Variants in TRDN observed in about 807,000 individuals in gnomAD.
TRDN encodes triadin in skeletal muscle.
A neutral mutation model predicts 149.7 loss-of-function variants in TRDN; 161 were observed. The ratio of observed to expected loss-of-function variants is 1.08; its 90% CI spans 0.95 to 1.23. TRDN has a LOEUF of 1.23. Among genes scored for constraint, TRDN ranks in the 50% most tolerant of loss-of-function variants. TRDN has a pLI of 0.00. For synonymous variants in TRDN, 294 were observed against 250.5 expected, an observed-to-expected ratio of 1.17 and a Z score of -1.64; for missense variants, 896 against 823.5, an observed-to-expected ratio of 1.09 and a Z score of -1.08.
chr6:123,348,149 C>T (rs1250440271), intron 21 of TRDN, among the ~76,000 whole-genome samples: 1 of 152,024 alleles, frequency 6.6e-6, no homozygotes, highest in Admixed American at 6.6e-5. Flanking sequence ...CTTTTAACTA[C>T]TACTTTGACA....
chr6:123,612,300 C>T (rs1784858154), intron 1 of TRDN, among the ~76,000 whole-genome samples: 1 of 146,698 alleles, frequency 6.8e-6, no homozygotes, highest in South Asian at 2.3e-4. Flanking sequence ...AGGAGATATA[C>T]CTAATGCTAA....
intron 1 of TRDN, among the ~76,000 whole-genome samples, chr6:123,613,173 C>T (rs994537537): frequency 1.3e-5 from 2 of 152,144 alleles, no homozygotes; most frequent in African/African-American, 2.4e-5. Flanking sequence ...ATCTGAGGCT[C>T]ATATTGTGTG....
intron 29 of TRDN, among the ~76,000 whole-genome samples, chr6:123,272,448 G>A (rs1219202950): frequency 1.3e-5 from 2 of 151,190 alleles, no homozygotes; most frequent in Non-Finnish European, 2.9e-5. Flanking sequence ...TTTACAAGCA[G>A]AACATATTAG....
rs201097255 is a variant in TRDN, at chr6:123,571,084, A to T, written c.71T>A (p.Val24Glu). 6.2e-4 allele frequency: 994 copies of T among 1,613,998 alleles called. No individual in the cohort carries two copies. The highest frequency in any genetic ancestry group is 7.6e-4 in the Non-Finnish European group (898 of 1,179,876). The change falls in exon 2 of 41, where the codon GTG (valine) becomes GAG (glutamate). Residue 24 changes from valine (V) to glutamate (E), a missense_variant. Transcript: ENST00000334268. ...CAGCACTTTTCCGGGGGATTTGGGC[A>T]CAGATCCATTTTTGCTGTCTATCAC... is the stretch of plus-strand genomic sequence containing the variant. Reference protein sequence around the residue: ...TTVIDSKNGSVPKSPGKVLKR... With the variant: ...TTVIDSKNGSEPKSPGKVLKR...
At chr6:123,385,589 T>G (rs1781881642) in intron 14 of TRDN, among the ~76,000 whole-genome samples, 2 of 152,260 alleles carry the variant, frequency 1.3e-5, no homozygotes, top group South Asian at 4.1e-4. Context: ...ACTAGGAATT[T>G]TGCTTTGTTT....
At chr6:123,301,782 T>TAC (rs1562252344) in intron 24 of TRDN, among the ~76,000 whole-genome samples, 11 of 57,582 alleles carry the variant, frequency 1.9e-4, no homozygotes, top group African/African-American at 4.1e-4. Context: ...TATATATATA[T>TAC]ATATACATAA....
intron 1 of TRDN, among the ~76,000 whole-genome samples, chr6:123,586,194 T>A (rs992272813): frequency 1.3e-5 from 2 of 152,168 alleles, no homozygotes; most frequent in African/African-American, 4.8e-5. Context: ...TTCAGCCACC[T>A]TTTTAAGAGT....
intron 35 of TRDN, among the ~76,000 whole-genome samples, chr6:123,257,758 T>A (rs1776614666): frequency 6.6e-6 from 1 of 152,218 alleles, no homozygotes; most frequent in South Asian, 2.1e-4. Context: ...TGATTCTTCC[T>A]GTCCATGAGC....
At chr6:123,524,605 C>T (rs933243444) in intron 5 of TRDN, among the ~76,000 whole-genome samples, 1 of 152,018 alleles carries the variant, frequency 6.6e-6, no homozygotes, top group Admixed American at 6.6e-5. Flanking sequence ...CTAAGCTCTT[C>T]ACATATAGTA....
chr6:123,583,440 T>C (rs1783240884), intron 1 of TRDN, among the ~76,000 whole-genome samples: 1 of 152,098 alleles, frequency 6.6e-6, no homozygotes, highest in African/African-American at 2.4e-5. Context: ...GAAGGGAAAG[T>C]CATAAAAGTA....
chr6:123,457,196 A>G (rs1562323903), intron 10 of TRDN, among the ~76,000 whole-genome samples: 1 of 152,210 alleles, frequency 6.6e-6, no homozygotes, highest in African/African-American at 2.4e-5. Flanking sequence ...AGGGCTGTGA[A>G]GCAGGAAACT....
chr6:123,475,156 A>G (rs377654931), intron 9 of TRDN, among the ~76,000 whole-genome samples: 1 of 151,200 alleles, frequency 6.6e-6, no homozygotes, highest in Non-Finnish European at 1.5e-5. Context: ...TTGATAGACC[A>G]CTAGCAAGAC....
At chr6:123,322,994 T>A (rs989423644) in intron 23 of TRDN, among the ~76,000 whole-genome samples, 14 of 152,116 alleles carry the variant, frequency 9.2e-5, no homozygotes, top group Non-Finnish European at 1.2e-4. Flanking sequence ...AATATGTCTT[T>A]TCATCTTTGG....
intron 24 of TRDN, among the ~76,000 whole-genome samples, chr6:123,284,886 C>G (rs371476912): frequency 6.6e-6 from 1 of 151,938 alleles, no homozygotes; most frequent in Non-Finnish European, 1.5e-5. Flanking sequence ...AGCTGAGACT[C>G]GAATCAAGAA....
chr6:123,496,265 G>A lies in TRDN; in HGVS notation c.853+928C>T, dbSNP rs1413493280. On this transcript the variant is annotated intron_variant, in intron 9 of 40. Coordinates refer to ENST00000334268, the MANE Select transcript of TRDN (RefSeq NM_006073.4). ...TGGGATCAACAACATTTTCCGGAGT[G>A]CAAAGGTTCTCATTGTCTAGTTTTC... Among the ~76,000 whole-genome samples the A allele has an allele frequency of 4.6e-5, 7 of 151,280 alleles. No homozygotes were observed. In the East Asian group the frequency reaches 1.2e-3, roughly 25 times the overall value.
In TRDN at chr6:123,307,169, G is replaced by A. The variant is rs190856092; in HGVS notation, c.1510+9288C>T. On this transcript the variant is annotated intron_variant, in intron 24 of 40. Transcript: ENST00000334268. ...AATGTTATTGGTCACCTTTATAGGA[G>A]AGGATTTAGAAGAAAAGATTACCAA... Among the ~76,000 whole-genome samples, 6 of 152,158 alleles carry A rather than the reference G, an allele frequency of 3.9e-5. No homozygotes were observed. In the South Asian group the frequency reaches 1.0e-3, roughly 26 times the overall value.
intron 24 of TRDN, among the ~76,000 whole-genome samples, chr6:123,313,345 A>G (rs1778903449): frequency 1.3e-5 from 2 of 151,984 alleles, no homozygotes; most frequent in Admixed American, 1.3e-4. Context: ...TGATATAGTC[A>G]TTTTAAGGGA....
chr6:123,460,998 C>T (rs1324240887), intron 10 of TRDN, among the ~76,000 whole-genome samples: 1 of 152,120 alleles, frequency 6.6e-6, no homozygotes, highest in Non-Finnish European at 1.5e-5. Context: ...ATTGTCCCAA[C>T]AACTTTAACA....
intron 1 of TRDN, among the ~76,000 whole-genome samples, chr6:123,629,204 T>C (rs1259572093): frequency 6.6e-6 from 1 of 152,258 alleles, no homozygotes; most frequent in South Asian, 2.1e-4. Flanking sequence ...AATCACATGA[T>C]AATTTTATTT....
Sources: gnomAD v4.1 joint callset for allele counts (sites outside exome capture counted in the v4.1 genomes callset) on GRCh38, gnomAD v4.1.1 for gene constraint, MANE v1.5 for transcripts, NCBI Gene and HGNC (gene_info 2026-07-23, HGNC 2026-07-21) for gene names.